The following UBE2E1 variants were observed in gnomAD, a reference collection of about 807,000 sequenced individuals.
UBE2E1 encodes the protein ubiquitin-conjugating enzyme E2 E1.
UBE2E1 carries 6 observed loss-of-function variants against 21.4 expected under a neutral mutation model. The ratio of observed to expected loss-of-function variants is 0.28; its 90% CI spans 0.15 to 0.55. The LOEUF is 0.55. UBE2E1 is among the 20% of genes least tolerant of loss of function. UBE2E1 has a pLI of 0.93. For synonymous variants in UBE2E1, 87 were observed against 82.7 expected (o/e 1.05, Z -0.28); for missense variants, 142 against 236.5 (o/e 0.60, Z 2.62).
intron 3 of UBE2E1, among the ~76,000 whole-genome samples, chr3:23,846,891 G>A (rs553317721): frequency 1.3e-5 from 2 of 151,166 alleles, no homozygotes; most frequent in South Asian, 4.2e-4. Context: ...TTTTTAAATC[G>A]ATTTATCAAG....
At chr3:23,878,940 A>G (rs547570749) in intron 3 of UBE2E1, 15 of 385,288 alleles carry the variant, frequency 3.9e-5, no homozygotes, top group African/African-American at 3.2e-4. Context: ...ATTGTCTTCC[A>G]CAAAAGCAGC....
In UBE2E1 at chr3:23,810,514, C is replaced by CCCGGGGAAAAGCAGGT. The variant is rs772163601; in HGVS notation, c.153-938_153-923dup. ...GCAGACCCCGGGAAGTTAGAGGACG[C>CCCGGGGAAAAGCAGGT]CCGGGGAAAAGCAGGTCCGGGGAGG... is the stretch of plus-strand genomic sequence containing the variant. On this transcript the variant is annotated intron_variant, in intron 2 of 5. Coordinates refer to ENST00000306627, the MANE Select transcript of UBE2E1 (RefSeq NM_003341.5). The surrounding 1 kb of genome is among the most constrained non-coding windows in gnomAD (Gnocchi z 5.8). The CCCGGGGAAAAGCAGGT allele has an allele frequency of 2.6e-6, 4 of 1,535,416 alleles. No individual in the cohort carries two copies. The Middle Eastern group carries it at 5.0e-4, about 193-fold the overall frequency.
At chr3:23,883,489 T>G (rs1031007909) in intron 3 of UBE2E1, among the ~76,000 whole-genome samples, 7 of 152,206 alleles carry the variant, frequency 4.6e-5, no homozygotes, top group African/African-American at 1.7e-4. Context: ...ACTTTTCCAA[T>G]GAGAACTTAG....
At chr3:23,864,202 C>T (rs547132827) in intron 3 of UBE2E1, among the ~76,000 whole-genome samples, 1 of 152,280 alleles carries the variant, frequency 6.6e-6, no homozygotes, top group East Asian at 1.9e-4. Context: ...CTTACTCCCA[C>T]TATTGCTTTT....
intron 3 of UBE2E1, among the ~76,000 whole-genome samples, chr3:23,812,887 T>C (rs1049822756): frequency 1.2e-4 from 18 of 152,156 alleles, no homozygotes; most frequent in African/African-American, 3.9e-4. Flanking sequence ...CTCCTATGTG[T>C]GTGTTATTAA....
intron 3 of UBE2E1, among the ~76,000 whole-genome samples, chr3:23,845,609 GTGTGTGTA>G (rs1410177790): frequency 6.6e-6 from 1 of 150,388 alleles, no homozygotes; most frequent in Non-Finnish European, 1.5e-5. Context: ...GTGTGTGTGT[GTGTGTGTA>G]TGTGTGTGTA....
At position 23,870,898 on chromosome 3, in the gene UBE2E1, T is replaced by TC. The variant is rs1304589129; in HGVS notation, c.204-16668dup. Among the ~76,000 whole-genome samples, 4 of 152,212 alleles carry TC rather than the reference T, an allele frequency of 2.6e-5. No homozygotes were observed. In the East Asian group the frequency reaches 7.7e-4, roughly 29 times the overall value. ...ATGATTCTTAACGAGCATGCTGCCT[T>TC]CAAGCATCTGTTTAACAAAGCACAT... On this transcript the variant is annotated intron_variant, in intron 3 of 5. Coordinates refer to ENST00000306627, the MANE Select transcript of UBE2E1 (RefSeq NM_003341.5). The surrounding 1 kb of genome is among the most constrained non-coding windows in gnomAD (Gnocchi z 4.2).
At chr3:23,838,212 C>T (rs907330198) in intron 3 of UBE2E1, among the ~76,000 whole-genome samples, 1 of 151,954 alleles carries the variant, frequency 6.6e-6, no homozygotes, top group Non-Finnish European at 1.5e-5. Flanking sequence ...GGACTATAAA[C>T]GTGAGCCACC....
intron 3 of UBE2E1, among the ~76,000 whole-genome samples, chr3:23,883,402 T>C (rs1044955486): frequency 2.6e-5 from 4 of 152,120 alleles, no homozygotes; most frequent in African/African-American, 9.7e-5. Context: ...ACACTGGCCT[T>C]CTTATAGAGT....
At chr3:23,885,950 ACT>A (rs938261172) in intron 3 of UBE2E1, among the ~76,000 whole-genome samples, 1 of 151,864 alleles carries the variant, frequency 6.6e-6, no homozygotes, top group African/African-American at 2.4e-5. Flanking sequence ...TAATCCCAGC[ACT>A]CTGGGAGGCT....
chr3:23,858,910 C>A (rs6779573), intron 3 of UBE2E1, among the ~76,000 whole-genome samples: 84,514 of 151,900 alleles, frequency 0.56, 23,864 homozygotes, highest in Middle Eastern at 0.65. Context: ...TTCTAAGCCA[C>A]CCTCACTTGA....
At chr3:23,877,742 G>A (rs1488325737) in intron 3 of UBE2E1, among the ~76,000 whole-genome samples, 1 of 152,190 alleles carries the variant, frequency 6.6e-6, no homozygotes, top group East Asian at 1.9e-4. Context: ...GACAAAAGGA[G>A]AATAGGCATG....
At chr3:23,820,536 G>A (rs759077897) in intron 3 of UBE2E1, among the ~76,000 whole-genome samples, 1 of 152,160 alleles carries the variant, frequency 6.6e-6, no homozygotes, top group Non-Finnish European at 1.5e-5. Context: ...TTTTGCTACA[G>A]TGACAGCAAA....
chr3:23,845,695 A>C (rs1700189506), intron 3 of UBE2E1, among the ~76,000 whole-genome samples: 12 of 151,936 alleles, frequency 7.9e-5, no homozygotes, highest in Admixed American at 7.9e-4. Flanking sequence ...GTTATTTAGC[A>C]GAAGTCCAAG....
chr3:23,828,300 A>G (rs1232221111), intron 3 of UBE2E1, among the ~76,000 whole-genome samples: 1 of 152,246 alleles, frequency 6.6e-6, no homozygotes, highest in African/African-American at 2.4e-5. Context: ...GGCTGAAGCA[A>G]TGAAATCATA....
intron 3 of UBE2E1, among the ~76,000 whole-genome samples, chr3:23,883,718 C>T (rs1360891408): frequency 6.6e-6 from 1 of 151,762 alleles, no homozygotes; most frequent in Non-Finnish European, 1.5e-5. Flanking sequence ...GAGTTTGAGA[C>T]CGGTCTAGCC....
chr3:23,887,418 T>C lies in UBE2E1; in HGVS notation c.204-149T>C. On this transcript the variant is annotated intron_variant, in intron 3 of 5. Coordinates refer to ENST00000306627, the MANE Select transcript of UBE2E1 (RefSeq NM_003341.5). The surrounding 1 kb of genome is among the most constrained non-coding windows in gnomAD (Gnocchi z 4.4). The stretch of plus-strand genomic sequence containing the variant: ...ACCAATGGCTATGGGTTTGTTGCAG[T>C]TCTGCATCCGTTTCTGTACTTGTTT... 1 of 1,111,316 alleles carries C rather than the reference T, an allele frequency of 9.0e-7. No individual in the cohort carries two copies. Among genetic ancestry groups the C allele is most frequent in the Admixed American group, 3.3e-5 (1 of 30,700 alleles). The allele number at this position is 1,111,316 out of a possible 1,614,324, so 68.8% of individuals were successfully genotyped here. A position where few individuals can be genotyped will look rare whatever the true frequency, so the allele number is the denominator to read the frequency against.
intron 2 of UBE2E1, among the ~76,000 whole-genome samples, chr3:23,809,621 T>G (rs568444126): frequency 6.6e-6 from 1 of 152,364 alleles, no homozygotes; most frequent in South Asian, 2.1e-4. Context: ...TAAAGCTTTT[T>G]GGTATTAACG....
intron 3 of UBE2E1, among the ~76,000 whole-genome samples, chr3:23,856,527 A>C (rs916026936): frequency 6.6e-6 from 1 of 152,214 alleles, no homozygotes; most frequent in Non-Finnish European, 1.5e-5. Flanking sequence ...TAAATCAACA[A>C]ACTAAGATTT....
Sources: gnomAD v4.1 joint callset for allele counts (sites outside exome capture counted in the v4.1 genomes callset) on GRCh38, gnomAD v4.1.1 for gene constraint, Gnocchi (gnomAD v3.1) non-coding constraint, MANE v1.5 for transcripts, NCBI Gene and HGNC (gene_info 2026-07-23, HGNC 2026-07-21) for gene names.